FRMD6: variants seen among roughly 807,000 people sequenced by gnomAD.
The protein encoded by FRMD6 is FERM domain containing 6.
In FRMD6, 37 loss-of-function variants were observed where a neutral mutation model predicts 73.2. That is an observed-to-expected ratio of 0.51 (90% CI 0.39 to 0.66). The LOEUF is 0.66. FRMD6 is among the 30% of genes least tolerant of loss of function. The pLI, the probability that FRMD6 is intolerant of heterozygous loss-of-function variation, is 0.00. For synonymous variants in FRMD6, 273 were observed against 282.2 expected (o/e 0.97, Z 0.33); for missense variants, 714 against 780.5 (o/e 0.91, Z 1.02).
intron 1 of FRMD6, among the ~76,000 whole-genome samples, chr14:51,554,142 C>G (rs1304923197): frequency 6.6e-6 from 1 of 152,048 alleles, no homozygotes; most frequent in Admixed American, 6.5e-5. Context: ...CAAAGGAACA[C>G]AGGAGCCAAC....
At chr14:51,645,957 A>T (rs1439438720) in intron 2 of FRMD6, among the ~76,000 whole-genome samples, 3 of 152,110 alleles carry the variant, frequency 2.0e-5, no homozygotes, top group Non-Finnish European at 4.4e-5. Context: ...GCGTATTCTG[A>T]AAGACAGATG....
rs529645735 is a variant in FRMD6, at chr14:51,517,332, C to T, written c.-210+27912C>T. Among the ~76,000 whole-genome samples the T allele has an allele frequency of 1.2e-4, 19 of 152,126 alleles. No homozygotes were observed. In the South Asian group the frequency reaches 3.7e-3, roughly 30 times the overall value. On this transcript the variant is annotated intron_variant, in intron 1 of 14. Coordinates refer to the FRMD6 transcript ENST00000356218. ...CACGCTAGGAGCAGTAATGAGTTTTCCAATCCAGACCAGCTGGAATCAAGG... is the reference window on the plus strand; with the variant it reads ...CACGCTAGGAGCAGTAATGAGTTTTTCAATCCAGACCAGCTGGAATCAAGG...
chr14:51,613,615 G>C (rs1399270052), intron 2 of FRMD6, among the ~76,000 whole-genome samples: 1 of 152,056 alleles, frequency 6.6e-6, no homozygotes. Flanking sequence ...GTAATCCAAG[G>C]ACAGTTTTGT....
intron 2 of FRMD6, among the ~76,000 whole-genome samples, chr14:51,640,647 C>G (rs1035423492): frequency 7.2e-5 from 11 of 152,082 alleles, no homozygotes; most frequent in African/African-American, 2.7e-4. Context: ...ATTATATATT[C>G]TTTATTGTAA....
chr14:51,657,245 C>A lies in FRMD6; in HGVS notation c.-147+5249C>A, dbSNP rs932426910. ...TTTTTTGGTCCCTGTAGCTTTATTTCTTTGAACTTGTTACTGAATTATACA... is the reference window on the plus strand; with the variant it reads ...TTTTTTGGTCCCTGTAGCTTTATTTATTTGAACTTGTTACTGAATTATACA... On this transcript the variant is annotated intron_variant, in intron 1 of 13. Coordinates refer to ENST00000344768, the MANE Select transcript of FRMD6 (RefSeq NM_001267046.2). Among the ~76,000 whole-genome samples the A allele has an allele frequency of 2.6e-5, 4 of 151,424 alleles. No individual in the cohort carries two copies. In the East Asian group the frequency reaches 5.8e-4, roughly 22 times the overall value.
intron 1 of FRMD6, among the ~76,000 whole-genome samples, chr14:51,654,314 G>GGC (rs1892664120): frequency 7.5e-6 from 1 of 133,584 alleles, no homozygotes; most frequent in Non-Finnish European, 1.6e-5. Flanking sequence ...TTGGGGGGGG[G>GGC]GTCTTTTTGT....
At chr14:51,601,599 C>T (rs568203309) in intron 2 of FRMD6, among the ~76,000 whole-genome samples, 1 of 152,200 alleles carries the variant, frequency 6.6e-6, no homozygotes, top group Non-Finnish European at 1.5e-5. Flanking sequence ...TCAAGAACTC[C>T]CTCTAAGCTC....
intron 2 of FRMD6, among the ~76,000 whole-genome samples, chr14:51,642,431 T>C (rs747222633): frequency 6.6e-6 from 1 of 152,064 alleles, no homozygotes; most frequent in Non-Finnish European, 1.5e-5. Context: ...TGCCAGCTAC[T>C]TGGGAGACTG....
chr14:51,577,243 A>C (rs1191329911), intron 2 of FRMD6, among the ~76,000 whole-genome samples: 6 of 152,160 alleles, frequency 3.9e-5, no homozygotes, highest in African/African-American at 7.2e-5. Context: ...GAGACATCTT[A>C]AATAGGAGTC....
the FRMD6 span, among the ~76,000 whole-genome samples, chr14:51,439,000 T>C: frequency 3.9e-5 from 6 of 152,230 alleles, no homozygotes; most frequent in Non-Finnish European, 7.3e-5. Context: ...GGTGGGGTAA[T>C]GGACTCAGCT....
At chr14:51,591,781 TC>T (rs1302533666) in intron 2 of FRMD6, among the ~76,000 whole-genome samples, 1 of 152,188 alleles carries the variant, frequency 6.6e-6, no homozygotes, top group African/African-American at 2.4e-5. Flanking sequence ...GACTTCGTGA[TC>T]CACCCTCCTT....
At chr14:51,443,689 C>T in the FRMD6 span, among the ~76,000 whole-genome samples, 17 of 152,176 alleles carry the variant, frequency 1.1e-4, no homozygotes, top group Non-Finnish European at 2.2e-4. Flanking sequence ...TGCCTTGCTG[C>T]AGCCTCCATC....
In FRMD6 at chr14:51,713,482, A is replaced by G. The variant is rs567408829; in HGVS notation, c.849+931A>G. ...TCAAAAAAAAAAAAAAAAAAATCGT[A>G]GTTCTGCTTTGTTCAGAAATTACTG... On this transcript the variant is annotated intron_variant, in intron 9 of 13. Transcript: ENST00000344768. Among the ~76,000 whole-genome samples the G allele has an allele frequency of 4.7e-5, 7 of 148,246 alleles. No individual in the cohort carries two copies. The South Asian group carries it at 1.5e-3, about 32-fold the overall frequency.
At chr14:51,721,092 C>A (rs1897533891) in intron 11 of FRMD6, among the ~76,000 whole-genome samples, 3 of 152,180 alleles carry the variant, frequency 2.0e-5, no homozygotes, top group Non-Finnish European at 1.5e-5. Flanking sequence ...GCTCTCAAGT[C>A]ACTCAGTGCC....
At chr14:51,413,131 C>T in the FRMD6 span, among the ~76,000 whole-genome samples, 1 of 151,738 alleles carries the variant, frequency 6.6e-6, no homozygotes, top group Admixed American at 6.6e-5. Context: ...GCAGGGACTA[C>T]AGGCACACAC....
At chr14:51,429,144 T>C in the FRMD6 span, among the ~76,000 whole-genome samples, 1,396 of 152,296 alleles carry the variant, frequency 9.2e-3, 21 homozygotes, top group African/African-American at 0.032. Flanking sequence ...AAAGCATGTG[T>C]GTGAAGTCAT....
intron 1 of FRMD6, among the ~76,000 whole-genome samples, chr14:51,677,577 A>T (rs1894481552): frequency 6.6e-6 from 1 of 151,972 alleles, no homozygotes; most frequent in South Asian, 2.1e-4. Context: ...ACCTGATATG[A>T]CTTTTGAATA....
At chr14:51,709,020 T>C (rs1298222595) in intron 7 of FRMD6, among the ~76,000 whole-genome samples, 1 of 152,162 alleles carries the variant, frequency 6.6e-6, no homozygotes, top group Non-Finnish European at 1.5e-5. Context: ...TCACTCACAG[T>C]ACTCTATATC....
intron 1 of FRMD6, among the ~76,000 whole-genome samples, chr14:51,497,927 G>A (rs1473882282): frequency 6.6e-6 from 1 of 152,124 alleles, no homozygotes; most frequent in Non-Finnish European, 1.5e-5. Context: ...GTCCTTTAGA[G>A]GCCTTAATAC....
Sources: allele counts gnomAD v4.1 joint callset (sites outside exome capture counted in the v4.1 genomes callset), GRCh38; gene constraint gnomAD v4.1.1; transcripts MANE v1.5; gene names NCBI Gene and HGNC (gene_info 2026-07-23, HGNC 2026-07-21).